The following PPP2R2B variants were observed in gnomAD, a reference collection of about 807,000 sequenced individuals.
PPP2R2B encodes the protein protein phosphatase 2 regulatory subunit Bbeta, also known as serine/threonine-protein phosphatase 2A 55 kDa regulatory subunit B beta isoform.
Under a neutral mutation model 46.0 loss-of-function variants are expected in PPP2R2B, and 5 were observed. That is an observed-to-expected ratio of 0.11 (90% CI 0.06 to 0.23). The LOEUF (loss-of-function observed/expected upper bound fraction) is 0.23, where lower values mean the gene tolerates loss of function less well. Among genes scored for constraint, PPP2R2B ranks in the 10% least tolerant of loss-of-function variants. The probability of loss-of-function intolerance (pLI) is 1.00; values close to 1 mark genes in which losing one functional copy is unlikely to be tolerated. For missense variants in PPP2R2B, 367 were observed against 575.0 expected (o/e 0.64, Z 3.70); for synonymous variants, 215 against 206.7 (o/e 1.04, Z -0.34).
At chr5:146,661,379 A>T (rs943273771) in intron 5 of PPP2R2B, among the ~76,000 whole-genome samples, 1 of 152,154 alleles carries the variant, frequency 6.6e-6, no homozygotes, top group Non-Finnish European at 1.5e-5. Context: ...TCTACAATAG[A>T]CCAGCAATAA....
At chr5:146,935,382 A>G (rs1457872317) in intron 1 of PPP2R2B, among the ~76,000 whole-genome samples, 1 of 152,192 alleles carries the variant, frequency 6.6e-6, no homozygotes, top group Non-Finnish European at 1.5e-5. Context: ...TTCCAGAACT[A>G]GGGGAAATAA....
At chr5:146,642,806 C>T (rs951650372) in intron 6 of PPP2R2B, among the ~76,000 whole-genome samples, 1 of 152,264 alleles carries the variant, frequency 6.6e-6, no homozygotes, top group Non-Finnish European at 1.5e-5. Context: ...CCTGCAATCC[C>T]AACAAGTTGG....
intron 2 of PPP2R2B, among the ~76,000 whole-genome samples, chr5:147,068,135 T>A (rs1757467387): frequency 6.6e-6 from 1 of 152,212 alleles, no homozygotes; most frequent in South Asian, 2.1e-4. Context: ...GAGTCATTTT[T>A]ATTTTCTTGT....
chr5:146,967,133 CTG>C (rs1752454016), intron 1 of PPP2R2B, among the ~76,000 whole-genome samples: 1 of 152,164 alleles, frequency 6.6e-6, no homozygotes, highest in Non-Finnish European at 1.5e-5. Context: ...AAAGGCCCTG[CTG>C]TTTTCACTGC....
chr5:147,031,494 A>G (rs1306442442), intron 1 of PPP2R2B, among the ~76,000 whole-genome samples: 4 of 145,750 alleles, frequency 2.7e-5, no homozygotes, highest in Non-Finnish European at 6.0e-5. Flanking sequence ...TTTTTAATTT[A>G]TCTTGACTGG....
chr5:146,665,074 G>A lies in PPP2R2B; in HGVS notation c.448-14350C>T, dbSNP rs550077582. On this transcript the variant is annotated intron_variant, in intron 5 of 9. Transcript: ENST00000394411. ...AGAATAGATTTAGTGTAATTCTTAA[G>A]GGCCCCAGGACTTTCAGAATGGTAA... Among the ~76,000 whole-genome samples, 14 of 152,270 alleles carry A rather than the reference G, an allele frequency of 9.2e-5. No homozygotes were observed. The South Asian group carries it at 2.9e-3, about 32-fold the overall frequency.
intron 1 of PPP2R2B, among the ~76,000 whole-genome samples, chr5:146,975,095 T>C (rs1055362901): frequency 1.3e-5 from 2 of 152,172 alleles, no homozygotes; most frequent in Admixed American, 6.6e-5. Flanking sequence ...CTCACATTAT[T>C]GTTCAACCAA....
intron 1 of PPP2R2B, among the ~76,000 whole-genome samples, chr5:146,994,912 T>A (rs1753858101): frequency 6.6e-6 from 1 of 152,210 alleles, no homozygotes; most frequent in Non-Finnish European, 1.5e-5. Flanking sequence ...GCAATTACAA[T>A]GCAGGGTGAT....
At chr5:146,899,061 T>A (rs1184115177) in intron 1 of PPP2R2B, among the ~76,000 whole-genome samples, 1 of 151,816 alleles carries the variant, frequency 6.6e-6, no homozygotes, top group Non-Finnish European at 1.5e-5. Context: ...TGGAAGTCAG[T>A]AGGGCGATTC....
At chr5:146,844,300 A>G (rs886425089) in intron 2 of PPP2R2B, among the ~76,000 whole-genome samples, 2 of 151,012 alleles carry the variant, frequency 1.3e-5, no homozygotes, top group African/African-American at 4.9e-5. Flanking sequence ...ACATGTATAC[A>G]TATGTAACTA....
intron 1 of PPP2R2B, among the ~76,000 whole-genome samples, chr5:146,997,747 G>A (rs911481238): frequency 3.9e-5 from 6 of 152,040 alleles, no homozygotes; most frequent in Non-Finnish European, 8.8e-5. Flanking sequence ...TAATTTTTGC[G>A]AATAAAGTAG....
In PPP2R2B at chr5:146,589,642, A is replaced by C; in HGVS notation, c.*305T>G. ...TTTATCGCAGCAGACACCTAGGAAC[A>C]AAACACTGGACCCACCAGAGAAAAC... is the stretch of plus-strand genomic sequence containing the variant. On this transcript the variant is annotated 3_prime_UTR_variant, in exon 10 of 10. Transcript: ENST00000394411. The C allele has an allele frequency of 3.3e-6, 1 of 301,264 alleles. No individual in the cohort carries two copies. The highest frequency in any genetic ancestry group is 6.2e-6 in the Non-Finnish European group (1 of 162,144). 18.7% of individuals were successfully genotyped at this position (301,264 alleles called of 1,614,324 possible). A position where few individuals can be genotyped will look rare whatever the true frequency, so the allele number is the denominator to read the frequency against.
chr5:146,623,122 G>T (rs766635649), intron 7 of PPP2R2B, among the ~76,000 whole-genome samples: 1 of 152,192 alleles, frequency 6.6e-6, no homozygotes, highest in Non-Finnish European at 1.5e-5. Context: ...GCAACAGTAC[G>T]TTGGATTAAC....
chr5:146,742,082 A>C (rs1052961607), intron 2 of PPP2R2B, among the ~76,000 whole-genome samples: 1 of 152,192 alleles, frequency 6.6e-6, no homozygotes, highest in Admixed American at 6.5e-5. Flanking sequence ...ACGTTCTTAC[A>C]AAGGAAAATG....
chr5:146,822,912 C>T (rs1758356497), intron 2 of PPP2R2B, among the ~76,000 whole-genome samples: 3 of 152,196 alleles, frequency 2.0e-5, no homozygotes, highest in Admixed American at 2.0e-4. Flanking sequence ...GCAATGCAGT[C>T]CCCAAATTTA....
chr5:146,962,951 G>C (rs1752240953), intron 1 of PPP2R2B, among the ~76,000 whole-genome samples: 1 of 152,164 alleles, frequency 6.6e-6, no homozygotes, highest in South Asian at 2.1e-4. Flanking sequence ...ACTGGCTAAG[G>C]CACTCAGACT....
intron 2 of PPP2R2B, among the ~76,000 whole-genome samples, chr5:146,821,586 T>C (rs1758264584): frequency 6.6e-6 from 1 of 152,174 alleles, no homozygotes; most frequent in African/African-American, 2.4e-5. Context: ...AGAGTTGGGG[T>C]GAAACCTCAG....
chr5:146,723,901 T>C (rs568753666), intron 2 of PPP2R2B, among the ~76,000 whole-genome samples: 1 of 152,264 alleles, frequency 6.6e-6, no homozygotes, highest in South Asian at 2.1e-4. Context: ...ACAAATCTCA[T>C]TAATCCCTTT....
chr5:146,847,979 G>A (rs1010394560), intron 2 of PPP2R2B, among the ~76,000 whole-genome samples: 1 of 152,030 alleles, frequency 6.6e-6, no homozygotes, highest in Non-Finnish European at 1.5e-5. Flanking sequence ...GCAAGTTTAG[G>A]GAATTTTCCC....
Sources: allele counts gnomAD v4.1 joint callset (sites outside exome capture counted in the v4.1 genomes callset), GRCh38; gene constraint gnomAD v4.1.1; transcripts MANE v1.5; gene names NCBI Gene and HGNC (gene_info 2026-07-23, HGNC 2026-07-21).